The following TGM1 variants were observed in gnomAD, a reference collection of about 807,000 sequenced individuals.
TGM1 encodes the protein protein-glutamine gamma-glutamyltransferase K.
A neutral mutation model predicts 88.7 loss-of-function variants in TGM1; 63 were observed. That is an observed-to-expected ratio of 0.71 (90% CI 0.58 to 0.88). TGM1 has a LOEUF of 0.88. Ranked by LOEUF, TGM1 falls within the 40% of genes least tolerant of loss-of-function variation. The pLI is 0.00. For synonymous variants in TGM1, 415 were observed against 431.1 expected, an observed-to-expected ratio of 0.96 and a Z score of 0.46; for missense variants, 996 against 1,118.0, an observed-to-expected ratio of 0.89 and a Z score of 1.56.
chr14:24,254,255 C>T lies in TGM1; in HGVS notation c.2122G>A (p.Glu708Lys). ...GGGTTCTTGAAGACAATCTGTACTT[C>T]ACACTCCTGGCCAACCACTGCTGCT... is the stretch of plus-strand genomic sequence containing the variant. ...LGAAVVGQEC[E>K]VQIVFKNPLP... Residue 708 changes from glutamate (E) to lysine (K), a missense_variant, in exon 14 of 15, where the codon GAA becomes AAA. Physicochemically the swap from Glu to Lys is moderately conservative, Grantham distance 56. Transcript: ENST00000206765. The T allele has an allele frequency of 6.2e-7, 1 of 1,614,058 alleles. No homozygotes were observed. Among genetic ancestry groups the T allele is most frequent in the Non-Finnish European group, 8.5e-7 (1 of 1,180,010 alleles).
chr14:24,260,827 C>T (rs1273674097), intron 3 of TGM1, 129 bp from the exon 4 acceptor site: 12 of 1,264,520 alleles, frequency 9.5e-6, no homozygotes, highest in Non-Finnish European at 1.3e-5. Context: ...GGGCCATCAC[C>T]TTATTCTCTG....
chr14:24,256,092 G>C lies in TGM1; in HGVS notation c.1403-15C>G. ...GCAGAAGATGCCTAGAGAGTGAGGC[G>C]GGACAGAGGCAAGAGATCTGAGAAG... is the stretch of plus-strand genomic sequence containing the variant. On this transcript the variant is annotated splice_polypyrimidine_tract_variant and intron_variant, in intron 9 of 14. Coordinates refer to ENST00000206765, the MANE Select transcript of TGM1 (RefSeq NM_000359.3). 6.4e-7 allele frequency: 1 copy of C among 1,551,272 alleles called. No homozygotes were observed. The highest frequency in any genetic ancestry group is 8.7e-7 in the Non-Finnish European group (1 of 1,145,052).
intron 3 of TGM1, 125 bp downstream of exon 3, chr14:24,261,570 C>T (rs2040808655): frequency 2.4e-6 from 3 of 1,245,700 alleles, no homozygotes; most frequent in Non-Finnish European, 1.2e-6. Flanking sequence ...CACACTTGCA[C>T]CTGCCTTATC....
rs1201288435 is a variant in TGM1, at chr14:24,258,408, G to A, written c.1299-20C>T. 4 of 1,613,520 alleles carry A rather than the reference G, an allele frequency of 2.5e-6. No individual in the cohort carries two copies. In the East Asian group the frequency reaches 8.9e-5, roughly 36 times the overall value. ...AAGTTCCTGGATGGACATGGAGGAG[G>A]GGCTGGGTCTGAGCCCCAGGGTCAG... On this transcript the variant is annotated intron_variant, in intron 8 of 14. Coordinates refer to ENST00000206765, the MANE Select transcript of TGM1 (RefSeq NM_000359.3).
chr14:24,260,513 C>A lies in TGM1; in HGVS notation c.694G>T (p.Glu232Ter). ...CGGGGGTCAAAGGGCAACTGGAACT[C>A]CCCAGCGTCTGATTGTGTGCGGACT... is the stretch of plus-strand genomic sequence containing the variant. Reference protein sequence around the residue: ...FTVRTQSDAGEFQLPFDPRNE... With the variant: ...FTVRTQSDAG Residue 232 changes from glutamate (E) to a stop codon, truncating the protein, a stop_gained, in exon 4 of 15, where the codon GAG becomes TAG. Transcript: ENST00000206765. LOFTEE classifies it high-confidence loss of function. 6.2e-7 allele frequency: 1 copy of A among 1,614,240 alleles called. No individual in the cohort carries two copies.
chr14:24,256,478 A>G (rs1447056746), intron 9 of TGM1, among the ~76,000 whole-genome samples: 2 of 152,184 alleles, frequency 1.3e-5, no homozygotes, highest in Non-Finnish European at 2.9e-5. Context: ...ATCCTTTATC[A>G]TAACCAACCC....
intron 14 of TGM1, among the ~76,000 whole-genome samples, chr14:24,253,624 G>C (rs975792491): frequency 2.0e-5 from 3 of 152,096 alleles, no homozygotes; most frequent in African/African-American, 7.2e-5. Flanking sequence ...GACAACAGGC[G>C]CACAGCACCA....
chr14:24,258,187 TGGCTCTCCGGCCC>T, intron 9 of TGM1, 85 bp downstream of exon 9: 1 of 994,906 alleles, frequency 1.0e-6, no homozygotes, highest in Non-Finnish European at 1.5e-6. Context: ...TTACATGGCT[TGGCTCTCCGGCCC>T]GGCCCAGCAC....
At chr14:24,254,383 C>T (rs2040726476) in intron 13 of TGM1, 95 bp from the exon 14 acceptor site, 2 of 1,576,496 alleles carry the variant, frequency 1.3e-6, no homozygotes, top group African/African-American at 1.4e-5. Context: ...TGCTTAGAAG[C>T]AAAACCTCCC....
chr14:24,257,363 G>A (rs1219024047), intron 9 of TGM1, among the ~76,000 whole-genome samples: 3 of 152,226 alleles, frequency 2.0e-5, no homozygotes, highest in African/African-American at 4.8e-5. Flanking sequence ...TTTGAGAACA[G>A]AGTGTATGGT....
chr14:24,254,905 G>A, intron 12 of TGM1, 67 bp downstream of exon 12: 2 of 1,612,812 alleles, frequency 1.2e-6, no homozygotes, highest in Non-Finnish European at 1.7e-6. Context: ...TGCTCCTGGG[G>A]TCTCCATGTC....
At position 24,255,526 on chromosome 14, in the gene TGM1, G is replaced by T. The variant is rs1396076988; in HGVS notation, c.1492-9C>A. Reference sequence around the variant, plus strand: ...ACCTTGTCACTATTCACCTGTGGGGGGTGGGGGTGAGCAGGAATGAGTGAG... The same window carrying T: ...ACCTTGTCACTATTCACCTGTGGGGTGTGGGGGTGAGCAGGAATGAGTGAG... On this transcript the variant is annotated splice_polypyrimidine_tract_variant and intron_variant, in intron 10 of 14. Transcript: ENST00000206765. The surrounding 1 kb of genome is among the most constrained non-coding windows in gnomAD (Gnocchi z 4.0). The T allele has an allele frequency of 6.2e-7, 1 of 1,612,778 alleles. No individual in the cohort carries two copies. Among genetic ancestry groups the T allele is most frequent in the Non-Finnish European group, 8.5e-7 (1 of 1,180,004 alleles).
intron 3 of TGM1, among the ~76,000 whole-genome samples, chr14:24,261,121 T>G (rs910181660): frequency 1.3e-5 from 2 of 151,650 alleles, no homozygotes; most frequent in Non-Finnish European, 2.9e-5. Flanking sequence ...CTGGTGGAGG[T>G]GGTAGGGGTT....
chr14:24,255,243 T>G lies in TGM1; in HGVS notation c.1656A>C (p.Ala552=), dbSNP rs1263628489. The G allele has an allele frequency of 1.2e-6, 2 of 1,613,864 alleles. No individual in the cohort carries two copies. The highest frequency in any genetic ancestry group is 1.7e-6 in the Non-Finnish European group (2 of 1,180,038). Residue 552 remains alanine, a synonymous_variant, in exon 12 of 15, where the codon GCA becomes GCC. Coordinates refer to ENST00000206765, the MANE Select transcript of TGM1 (RefSeq NM_000359.3). The surrounding 1 kb of genome is among the most constrained non-coding windows in gnomAD (Gnocchi z 4.0). ...CTGCTGTCTCTACTGCCTTCCGCTC[T>G]GCGTCTGAGCCTGGGGGTTGAGGGT... is the stretch of plus-strand genomic sequence containing the variant. ...YLYKHPEGSD[A]ERKAVETAAA...
intron 3 of TGM1, among the ~76,000 whole-genome samples, chr14:24,260,993 TCA>T (rs1191533456): frequency 6.6e-6 from 1 of 152,152 alleles, no homozygotes; most frequent in African/African-American, 2.4e-5. Flanking sequence ...TGCCTGACTA[TCA>T]CAGTGCCTGG....
Position 24,258,566 on chromosome 14 carries a change from G to A in TGM1, c.1267C>T (p.Pro423Ser), listed in dbSNP as rs763095024. 2.5e-6 allele frequency: 4 copies of A among 1,614,178 alleles called. No individual in the cohort carries two copies. Among genetic ancestry groups the A allele is most frequent in the Non-Finnish European group, 3.4e-6 (4 of 1,180,036 alleles). ...MDIYFDENMK[P>S]LEHLNHDSVW... is the part of the protein sequence containing the mutation. Reference sequence around the variant, plus strand: ...GAATCATGGTTCAGGTGCTCCAGGGGCTTCATGTTCTCGTCGAAGTAGATG... The same window carrying A: ...GAATCATGGTTCAGGTGCTCCAGGGACTTCATGTTCTCGTCGAAGTAGATG... The change falls in exon 8 of 15, where the codon CCC (proline) becomes TCC (serine). Residue 423 changes from proline to serine, a missense_variant. Transcript: ENST00000206765.
rs1260014968 is a variant in TGM1, at chr14:24,259,420, C to T, written c.985-171G>A. On this transcript the variant is annotated intron_variant, in intron 6 of 14. Transcript: ENST00000206765. This position sits in a 1 kb window ranked among gnomAD's most constrained non-coding sequence, Gnocchi z 5.7. ...CCCAGCCCTTCCCTCAGCCATCTGC[C>T]CCCCTCCCACCCGGGCTCTGACACA... 1.3e-5 allele frequency among the ~76,000 whole-genome samples: 2 copies of T among 152,222 alleles called. No individual in the cohort carries two copies. Among genetic ancestry groups the T allele is most frequent in the East Asian group, 1.9e-4 (1 of 5,194 alleles).
rs2040788311 is a variant in TGM1, at chr14:24,259,628, G to A, written c.984+76C>T. On this transcript the variant is annotated intron_variant, in intron 6 of 14. Coordinates refer to ENST00000206765, the MANE Select transcript of TGM1 (RefSeq NM_000359.3). The surrounding 1 kb of genome is among the most constrained non-coding windows in gnomAD (Gnocchi z 5.7). ...TGGGGGTTCTTGAGGAATCCAGAAA[G>A]GGCAGGAGGAGGGTGGGGGTGTGGC... 1 of 1,255,606 alleles carries A rather than the reference G, an allele frequency of 8.0e-7. No individual in the cohort carries two copies. 77.8% of individuals were successfully genotyped at this position (1,255,606 alleles called of 1,614,324 possible).
intron 14 of TGM1, among the ~76,000 whole-genome samples, chr14:24,251,295 C>T (rs930998200): frequency 9.2e-5 from 14 of 152,204 alleles, no homozygotes; most frequent in African/African-American, 3.1e-4. Flanking sequence ...TTTTTGCTAA[C>T]TTTTCATAGA....
Sources: allele counts gnomAD v4.1 joint callset (sites outside exome capture counted in the v4.1 genomes callset), GRCh38; gene constraint gnomAD v4.1.1; non-coding constraint Gnocchi (gnomAD v3.1); transcripts MANE v1.5; gene names NCBI Gene and HGNC (gene_info 2026-07-23, HGNC 2026-07-21).